The following MCTP2 variants were observed in gnomAD, a reference collection of about 807,000 sequenced individuals.
MCTP2 encodes multiple C2 and transmembrane domain containing 2.
A neutral mutation model predicts 111.6 loss-of-function variants in MCTP2; 132 were observed. The observed-to-expected ratio is 1.18, with a 90% confidence interval of 1.03 to 1.37. The LOEUF (loss-of-function observed/expected upper bound fraction) is 1.37. Among genes scored for constraint, MCTP2 ranks in the 40% most tolerant of loss-of-function variants. The pLI, the probability that MCTP2 is intolerant of heterozygous loss-of-function variation, is 0.00. For missense variants in MCTP2, 1,183 were observed against 1,067.9 expected (o/e 1.11, Z -1.50); for synonymous variants, 395 against 387.7 (o/e 1.02, Z -0.22).
chr15:94,239,008 G>GA (rs539868505), intron 1 of MCTP2, among the ~76,000 whole-genome samples: 8,366 of 99,504 alleles, frequency 0.084, 276 homozygotes, highest in Middle Eastern at 0.095. Flanking sequence ...AGTTGACCGT[G>GA]AAAAAAAAAA....
rs182995422 is a variant in MCTP2 at position 94,241,658 on chromosome 15, T to A, written c.-66+9994T>A. The stretch of plus-strand genomic sequence containing the variant: ...GATGTATGAATGCAGATATATATAT[T>A]TTTTTTCTGGAAATGAGTGCTAGAA... On this transcript the variant is annotated intron_variant, in intron 1 of 22. Coordinates refer to ENST00000357742, the MANE Select transcript of MCTP2 (RefSeq NM_001385001.1). Among the ~76,000 whole-genome samples the A allele has an allele frequency of 5.1e-3, 770 of 152,184 alleles. 5 individuals are homozygous for A. The highest frequency in any genetic ancestry group is 0.016 in the African/African-American group (671 of 41,530).
At position 94,442,990 on chromosome 15, in the gene MCTP2, A is replaced by C. The variant is rs747601091; in HGVS notation, c.2250+30A>C. 6.2e-6 allele frequency: 10 copies of C among 1,601,136 alleles called. No homozygotes were observed. In the East Asian group the frequency reaches 8.9e-5, roughly 14 times the overall value. On this transcript the variant is annotated intron_variant, in intron 19 of 22. Transcript: ENST00000357742. ...GTATGTTCAAGAAAGAACACACACA[A>C]AAAAACACTAGTGTTGTCAACAGAT...
At chr15:94,345,796 CA>C (rs1380238340) in intron 8 of MCTP2, among the ~76,000 whole-genome samples, 3 of 151,972 alleles carry the variant, frequency 2.0e-5, no homozygotes, top group Non-Finnish European at 4.4e-5. Flanking sequence ...ATAAACACAG[CA>C]AAAAAGTATT....
intron 12 of MCTP2, among the ~76,000 whole-genome samples, chr15:94,377,911 G>A (rs1333443758): frequency 1.3e-5 from 2 of 152,008 alleles, no homozygotes; most frequent in Non-Finnish European, 2.9e-5. Flanking sequence ...TCCAGGGCCC[G>A]CCCAGCTTTT....
intron 17 of MCTP2, among the ~76,000 whole-genome samples, chr15:94,422,666 A>T (rs953640878): frequency 3.3e-5 from 5 of 152,018 alleles, no homozygotes; most frequent in Middle Eastern, 3.2e-3. Context: ...TCAACTTCCC[A>T]CTGTGACATA....
At chr15:94,241,639 T>G (rs2070967007) in intron 1 of MCTP2, among the ~76,000 whole-genome samples, 1 of 152,168 alleles carries the variant, frequency 6.6e-6, no homozygotes. Context: ...TGCTGATGTA[T>G]GAATGCAGAT....
chr15:94,353,548 AT>A (rs2078434123), intron 8 of MCTP2, among the ~76,000 whole-genome samples: 1 of 152,134 alleles, frequency 6.6e-6, no homozygotes. Context: ...AAGTGCTGCC[AT>A]TTTTCTTAAG....
chr15:94,272,271 T>C (rs2073945546), intron 1 of MCTP2, among the ~76,000 whole-genome samples: 1 of 152,192 alleles, frequency 6.6e-6, no homozygotes, highest in African/African-American at 2.4e-5. Flanking sequence ...TGGCAGATAA[T>C]AACTATTCTT....
chr15:94,347,891 C>CAG (rs1178958987), intron 8 of MCTP2, among the ~76,000 whole-genome samples: 1 of 133,742 alleles, frequency 7.5e-6, no homozygotes, highest in African/African-American at 2.7e-5. Context: ...CTCTCACACA[C>CAG]ACACAGACAT....
chr15:94,336,047 C>T (rs1238276415), intron 4 of MCTP2, among the ~76,000 whole-genome samples: 1 of 152,138 alleles, frequency 6.6e-6, no homozygotes, highest in African/African-American at 2.4e-5. Context: ...AAACTAAACT[C>T]CTTATTTTGC....
rs147352378 is a variant in MCTP2, at chr15:94,243,980, C to T, written c.-66+12316C>T. On this transcript the variant is annotated intron_variant, in intron 1 of 22. Coordinates refer to ENST00000357742, the MANE Select transcript of MCTP2 (RefSeq NM_001385001.1). ...ATATTTACACACACATATGTATACA[C>T]ATACATATGTGTATATATTTATGCA... Among the ~76,000 whole-genome samples the T allele has an allele frequency of 6.1e-3, 885 of 145,964 alleles. 19 individuals are homozygous for T. The highest frequency in any genetic ancestry group is 0.039 in the Admixed American group (574 of 14,692).
At chr15:94,395,581 TTA>T (rs2081240870) in intron 14 of MCTP2, among the ~76,000 whole-genome samples, 1 of 152,224 alleles carries the variant, frequency 6.6e-6, no homozygotes, top group Admixed American at 6.5e-5. Flanking sequence ...CTCACCTCTG[TTA>T]TATGCTGATT....
intron 8 of MCTP2, among the ~76,000 whole-genome samples, chr15:94,351,481 T>C (rs775507249): frequency 1.7e-4 from 26 of 152,256 alleles, no homozygotes; most frequent in Admixed American, 5.9e-4. Flanking sequence ...ACTTTACTAC[T>C]CATTTTTCTT....
At chr15:94,387,608 C>T (rs2080588007) in intron 14 of MCTP2, among the ~76,000 whole-genome samples, 1 of 152,120 alleles carries the variant, frequency 6.6e-6, no homozygotes, top group African/African-American at 2.4e-5. Flanking sequence ...CATCAAGTGT[C>T]CACTTGGTGC....
chr15:94,458,225 C>G lies in MCTP2; in HGVS notation c.2339C>G (p.Ser780Cys). 2 of 1,605,672 alleles carry G rather than the reference C, an allele frequency of 1.2e-6. No homozygotes were observed. Among genetic ancestry groups the G allele is most frequent in the Non-Finnish European group, 1.7e-6 (2 of 1,172,322 alleles). The change falls in exon 20 of 23, where the codon TCT becomes TGT. Residue 780 changes from serine to cysteine, a missense_variant. Transcript: ENST00000357742. The part of the protein sequence containing the change: ...TVQNVLEEIA[S>C]FGERIKNTFN... ...CAAAACGTCTTGGAGGAAATAGCTT[C>G]TTTTGGAGAAAGGATTAAGAAGTAA...
intron 4 of MCTP2, among the ~76,000 whole-genome samples, chr15:94,326,901 A>G (rs879646457): frequency 6.8e-6 from 1 of 146,264 alleles, no homozygotes; most frequent in Non-Finnish European, 1.5e-5. Context: ...TTAATTTGAT[A>G]GAAGGAAAGT....
At chr15:94,462,492 G>T (rs993359483) in intron 20 of MCTP2, among the ~76,000 whole-genome samples, 1 of 152,208 alleles carries the variant, frequency 6.6e-6, no homozygotes, top group Non-Finnish European at 1.5e-5. Context: ...TTCAACTTCG[G>T]ATTTTCTATA....
At chr15:94,420,251 T>C (rs2082562664) in intron 17 of MCTP2, among the ~76,000 whole-genome samples, 1 of 152,180 alleles carries the variant, frequency 6.6e-6, no homozygotes, top group South Asian at 2.1e-4. Context: ...ATCGAACATG[T>C]ACCTAGCTGC....
chr15:94,349,847 A>G (rs1453347538), intron 8 of MCTP2, among the ~76,000 whole-genome samples: 1 of 151,324 alleles, frequency 6.6e-6, no homozygotes, highest in East Asian at 1.9e-4. Context: ...GACTGGAATG[A>G]ATCTCATCAG....
Sources: allele counts gnomAD v4.1 joint callset (sites outside exome capture counted in the v4.1 genomes callset), GRCh38; gene constraint gnomAD v4.1.1; transcripts MANE v1.5; gene names NCBI Gene and HGNC (gene_info 2026-07-23, HGNC 2026-07-21).